Variants in TENM4 observed in about 807,000 individuals in gnomAD.
TENM4 encodes the protein teneurin-4.
In TENM4, 82 loss-of-function variants were observed where a neutral mutation model predicts 243.3. The observed-to-expected ratio is 0.34, with a 90% CI of 0.28 to 0.40. The LOEUF is 0.40. Among genes scored for constraint, TENM4 ranks in the 10% least tolerant of loss-of-function variants. The pLI is 1.00. For missense variants in TENM4, 3,138 were observed against 3,673.3 expected (o/e 0.85, Z 3.77); for synonymous variants, 1,412 against 1,456.3 (o/e 0.97, Z 0.69).
At chr11:78,663,002 G>A (rs1858069118) in intron 32 of TENM4, among the ~76,000 whole-genome samples, 1 of 152,190 alleles carries the variant, frequency 6.6e-6, no homozygotes, top group African/African-American at 2.4e-5. Context: ...GGTACAGGGA[G>A]TGTTCAGGTA....
chr11:79,033,854 T>G (rs1266693236), intron 6 of TENM4, among the ~76,000 whole-genome samples: 2 of 152,198 alleles, frequency 1.3e-5, no homozygotes, highest in African/African-American at 4.8e-5. Flanking sequence ...AAGATACAAA[T>G]AAACTACATT....
At chr11:78,799,811 C>T (rs1857244609) in intron 15 of TENM4, among the ~76,000 whole-genome samples, 1 of 152,190 alleles carries the variant, frequency 6.6e-6, no homozygotes, top group Non-Finnish European at 1.5e-5. Flanking sequence ...AAAATCTCTG[C>T]CATGTATTGC....
chr11:79,137,420 C>G (rs572019662), intron 4 of TENM4, among the ~76,000 whole-genome samples: 2 of 152,082 alleles, frequency 1.3e-5, no homozygotes, highest in Admixed American at 6.6e-5. Context: ...TGGAAAACTA[C>G]GACAGACCAA....
chr11:78,964,260 C>T (rs1857395537), intron 6 of TENM4, among the ~76,000 whole-genome samples: 1 of 152,020 alleles, frequency 6.6e-6, no homozygotes, highest in African/African-American at 2.4e-5. Context: ...CCAGGATGGT[C>T]TCAATCTCTT....
chr11:79,296,520 T>C (rs1856456771), intron 2 of TENM4, among the ~76,000 whole-genome samples: 1 of 152,176 alleles, frequency 6.6e-6, no homozygotes, highest in African/African-American at 2.4e-5. Context: ...CAGAAAAGAA[T>C]CCCTTGCAGA....
At chr11:78,985,864 C>T (rs1857906018) in intron 6 of TENM4, among the ~76,000 whole-genome samples, 2 of 152,158 alleles carry the variant, frequency 1.3e-5, no homozygotes, top group Non-Finnish European at 2.9e-5. Context: ...TTTGCCCAGG[C>T]TCCCCCTCTG....
chr11:79,324,683 T>A (rs1237142513), intron 1 of TENM4, among the ~76,000 whole-genome samples: 1 of 152,088 alleles, frequency 6.6e-6, no homozygotes, highest in Non-Finnish European at 1.5e-5. Context: ...TAGATGTATA[T>A]ATAGATATAT....
chr11:79,117,129 A>T (rs1354891436), intron 4 of TENM4, among the ~76,000 whole-genome samples: 1 of 152,168 alleles, frequency 6.6e-6, no homozygotes, highest in African/African-American at 2.4e-5. Context: ...TATGCTGTCC[A>T]ATTCAACTCA....
chr11:79,050,802 T>C (rs1859772201), intron 6 of TENM4, among the ~76,000 whole-genome samples: 1 of 152,188 alleles, frequency 6.6e-6, no homozygotes, highest in Non-Finnish European at 1.5e-5. Context: ...GCTATTTATT[T>C]GAGGGAGAGT....
chr11:79,416,657 T>C (rs752736177), intron 1 of TENM4, among the ~76,000 whole-genome samples: 42 of 152,200 alleles, frequency 2.8e-4, no homozygotes, highest in Non-Finnish European at 1.5e-5. Context: ...CCTAACGAGA[T>C]GGTATTAAGA....
At chr11:78,985,594 T>C (rs1028635701) in intron 6 of TENM4, among the ~76,000 whole-genome samples, 9 of 152,260 alleles carry the variant, frequency 5.9e-5, no homozygotes, top group Non-Finnish European at 1.5e-5. Context: ...GCCATACTTA[T>C]CTTTGTACAT....
At chr11:78,976,057 C>T (rs1857647833) in intron 6 of TENM4, among the ~76,000 whole-genome samples, 1 of 152,126 alleles carries the variant, frequency 6.6e-6, no homozygotes, top group African/African-American at 2.4e-5. Flanking sequence ...ACTAAAATAA[C>T]CTTAATAAAT....
intron 1 of TENM4, among the ~76,000 whole-genome samples, chr11:79,361,594 A>C (rs1857590405): frequency 6.6e-6 from 1 of 152,168 alleles, no homozygotes; most frequent in Non-Finnish European, 1.5e-5. Context: ...TAGTCCATTC[A>C]TTGAACTCTT....
At chr11:79,078,892 G>C (rs1389516595) in intron 4 of TENM4, among the ~76,000 whole-genome samples, 3 of 152,242 alleles carry the variant, frequency 2.0e-5, no homozygotes, top group African/African-American at 7.2e-5. Context: ...ACCTGTGTCT[G>C]TCTGACCCCA....
chr11:79,341,686 GCT>G (rs777766181), intron 1 of TENM4, among the ~76,000 whole-genome samples: 10 of 152,312 alleles, frequency 6.6e-5, no homozygotes, highest in Non-Finnish European at 1.3e-4. Flanking sequence ...GCCTCTCTGT[GCT>G]CTCTGAGAGG....
In TENM4 at chr11:78,655,872, T is replaced by C. The variant is rs1202288478; in HGVS notation, c.*2186A>G. On this transcript the variant is annotated 3_prime_UTR_variant, in exon 34 of 34. Coordinates refer to ENST00000278550, the MANE Select transcript of TENM4 (RefSeq NM_001098816.3). ...TTTCCATCTCATCCAAGAATGATCC[T>C]GCCAGATGGGAGCCCCCATCTCCAG... is the stretch of plus-strand genomic sequence containing the variant. 1 of 152,286 alleles carries C rather than the reference T, an allele frequency of 6.6e-6. No individual in the cohort carries two copies. The highest frequency in any genetic ancestry group is 1.5e-5 in the Non-Finnish European group (1 of 68,090). 9.4% of individuals were successfully genotyped at this position (152,286 alleles called of 1,614,324 possible).
At chr11:79,110,585 G>A (rs1239870543) in intron 4 of TENM4, among the ~76,000 whole-genome samples, 1 of 152,216 alleles carries the variant, frequency 6.6e-6, no homozygotes, top group Non-Finnish European at 1.5e-5. Flanking sequence ...TGGCCTAGGA[G>A]GGAAAGAAGT....
chr11:79,096,928 GCA>G (rs375036597), intron 4 of TENM4: 32,767 of 133,412 alleles, frequency 0.25, 4,112 homozygotes, highest in East Asian at 0.62. Flanking sequence ...GCGCGCGCGC[GCA>G]CACACACACA....
At position 78,868,038 on chromosome 11, in the gene TENM4, C is replaced by T. The variant is rs141307977; in HGVS notation, c.1085-4906G>A. Among the ~76,000 whole-genome samples, 32 of 140,246 alleles carry T rather than the reference C, an allele frequency of 2.3e-4. No individual in the cohort carries two copies. In the East Asian group the frequency reaches 5.1e-3, roughly 23 times the overall value. The allele number at this position is 140,246 out of a possible 152,430, so 92.0% of individuals were successfully genotyped here. On this transcript the variant is annotated intron_variant, in intron 9 of 33. Coordinates refer to ENST00000278550, the MANE Select transcript of TENM4 (RefSeq NM_001098816.3). ...TAAAGCTGTGTATAGCAGCTGAGTG[C>T]GTGTTATCCAAATGATTTGGAAGAC... is the stretch of plus-strand genomic sequence containing the variant.
Sources: gnomAD v4.1 joint callset for allele counts (sites outside exome capture counted in the v4.1 genomes callset) on GRCh38, gnomAD v4.1.1 for gene constraint, MANE v1.5 for transcripts, NCBI Gene and HGNC (gene_info 2026-07-23, HGNC 2026-07-21) for gene names.